Variants in SNTG1 observed in about 807,000 individuals in gnomAD.
SNTG1 encodes the protein syntrophin gamma 1.
Under a neutral mutation model 74.7 loss-of-function variants are expected in SNTG1, and 39 were observed. That is an observed-to-expected ratio of 0.52 (90% CI 0.40 to 0.68). The LOEUF (loss-of-function observed/expected upper bound fraction) is 0.68, where lower values mean the gene tolerates loss of function less well. Among genes scored for constraint, SNTG1 ranks in the 30% least tolerant of loss-of-function variants. SNTG1 has a pLI of 0.00. For synonymous variants in SNTG1, 254 were observed against 217.1 expected (o/e 1.17, Z -1.49); for missense variants, 685 against 609.5 (o/e 1.12, Z -1.30).
At chr8:50,239,330 G>C (rs2086063671) in intron 2 of SNTG1, among the ~76,000 whole-genome samples, 1 of 152,144 alleles carries the variant, frequency 6.6e-6, no homozygotes, top group Non-Finnish European at 1.5e-5. Context: ...ATAAACAAAG[G>C]AGTTTTAATT....
chr8:50,193,401 CTTAT>C (rs2083649572), intron 2 of SNTG1, among the ~76,000 whole-genome samples: 1 of 151,200 alleles, frequency 6.6e-6, no homozygotes, highest in South Asian at 2.1e-4. Context: ...TTTTTGTTTT[CTTAT>C]TTGTTTGTTT....
chr8:49,977,955 G>C (rs953809340), intron 1 of SNTG1, among the ~76,000 whole-genome samples: 8 of 152,164 alleles, frequency 5.3e-5, no homozygotes, highest in African/African-American at 1.7e-4. Flanking sequence ...GATATCCTTG[G>C]AGCCTCAGTT....
At chr8:50,376,315 A>G (rs2092379387) in intron 2 of SNTG1, among the ~76,000 whole-genome samples, 1 of 152,176 alleles carries the variant, frequency 6.6e-6, no homozygotes, top group Non-Finnish European at 1.5e-5. Flanking sequence ...CTTGCTATTC[A>G]GATTTGAGGT....
intron 1 of SNTG1, among the ~76,000 whole-genome samples, chr8:49,998,050 C>T (rs1814396589): frequency 1.3e-5 from 2 of 152,132 alleles, no homozygotes; most frequent in Non-Finnish European, 2.9e-5. Flanking sequence ...TAGCCTATTG[C>T]TCTTAGGCTA....
intron 4 of SNTG1, among the ~76,000 whole-genome samples, chr8:50,425,016 C>A (rs565280398): frequency 1.3e-5 from 2 of 152,134 alleles, no homozygotes; most frequent in South Asian, 4.1e-4. Context: ...TATGAGAAAT[C>A]AATAGTTTTT....
chr8:50,270,274 T>C (rs986012256), intron 2 of SNTG1, among the ~76,000 whole-genome samples: 1 of 152,168 alleles, frequency 6.6e-6, no homozygotes, highest in Non-Finnish European at 1.5e-5. Flanking sequence ...AGTGTTTCAG[T>C]GGGGCCACAC....
At chr8:50,705,525 T>A (rs1229220901) in intron 16 of SNTG1, among the ~76,000 whole-genome samples, 1 of 152,220 alleles carries the variant, frequency 6.6e-6, no homozygotes, top group Non-Finnish European at 1.5e-5. Context: ...TGTTTTCTAC[T>A]TATTTATAGC....
At chr8:50,272,791 C>T (rs2087854460) in intron 2 of SNTG1, among the ~76,000 whole-genome samples, 1 of 151,788 alleles carries the variant, frequency 6.6e-6, no homozygotes, top group South Asian at 2.1e-4. Flanking sequence ...GGCTGGAGAA[C>T]AGTGGCACAA....
At chr8:50,124,159 C>G (rs1264250373) in intron 1 of SNTG1, among the ~76,000 whole-genome samples, 1 of 141,014 alleles carries the variant, frequency 7.1e-6, no homozygotes, top group Non-Finnish European at 1.6e-5. Flanking sequence ...TGCCTTGTGT[C>G]CTTATTAAAA....
At chr8:50,697,535 A>G (rs1044836922) in intron 15 of SNTG1, among the ~76,000 whole-genome samples, 4 of 152,076 alleles carry the variant, frequency 2.6e-5, no homozygotes, top group Admixed American at 6.5e-5. Flanking sequence ...CAACTTTTCC[A>G]TTTTCAGTAT....
At chr8:50,378,669 T>C (rs1252709608) in intron 2 of SNTG1, among the ~76,000 whole-genome samples, 1 of 151,874 alleles carries the variant, frequency 6.6e-6, no homozygotes, top group African/African-American at 2.4e-5. Flanking sequence ...GTAGCTCCTC[T>C]CTGCTAGGCA....
chr8:50,705,926 A>C lies in SNTG1; in HGVS notation c.1191+1174A>C, dbSNP rs150833931. On this transcript the variant is annotated intron_variant, in intron 16 of 18. Transcript: ENST00000642720. ...ATAGATCCATAGAGCAAGGACCTAA[A>C]TACACACATGGACACTTAATTTTGA... Among the ~76,000 whole-genome samples the C allele has an allele frequency of 1.7e-4, 26 of 152,382 alleles. No individual in the cohort carries two copies. In the East Asian group the frequency reaches 4.8e-3, roughly 28 times the overall value.
At chr8:50,050,449 T>G (rs1705964040) in intron 1 of SNTG1, among the ~76,000 whole-genome samples, 1 of 152,050 alleles carries the variant, frequency 6.6e-6, no homozygotes, top group African/African-American at 2.4e-5. Context: ...TGAAATTTAA[T>G]CAATAATTAA....
intron 1 of SNTG1, among the ~76,000 whole-genome samples, chr8:50,013,326 C>T (rs1815994704): frequency 6.6e-6 from 1 of 152,102 alleles, no homozygotes; most frequent in East Asian, 1.9e-4. Context: ...TCGTCATAGA[C>T]TTTTATTTGC....
rs139306352 is a variant in SNTG1, at chr8:50,746,353, A to G, written c.1285-5648A>G. Among the ~76,000 whole-genome samples, 206 of 152,060 alleles carry G rather than the reference A, an allele frequency of 1.4e-3. 2 individuals carry two copies. Among genetic ancestry groups the G allele is most frequent in the African/African-American group, 3.8e-3 (159 of 41,536 alleles). The stretch of plus-strand genomic sequence containing the variant: ...CATCACACTCAAATCACATGCCTTA[A>G]ATGAAAGCCTCTCAGGGATATCCAC... On this transcript the variant is annotated intron_variant, in intron 17 of 18. Coordinates refer to ENST00000642720, the MANE Select transcript of SNTG1 (RefSeq NM_018967.5).
intron 1 of SNTG1, among the ~76,000 whole-genome samples, chr8:50,010,206 T>C (rs1434755696): frequency 6.6e-6 from 1 of 152,172 alleles, no homozygotes; most frequent in Non-Finnish European, 1.5e-5. Context: ...AATATCAACA[T>C]CTAATAATAA....
chr8:50,440,157 C>T (rs1345080553), intron 5 of SNTG1, among the ~76,000 whole-genome samples: 1 of 150,486 alleles, frequency 6.6e-6, no homozygotes, highest in Non-Finnish European at 1.5e-5. Flanking sequence ...AATTATTGAC[C>T]AAAAAGTGGT....
At chr8:50,155,131 A>G (rs2082212293) in intron 1 of SNTG1, among the ~76,000 whole-genome samples, 1 of 152,238 alleles carries the variant, frequency 6.6e-6, no homozygotes, top group African/African-American at 2.4e-5. Context: ...ATTTGCCACC[A>G]TGCTTGAAAC....
At chr8:50,316,776 A>G (rs188390889) in intron 2 of SNTG1, among the ~76,000 whole-genome samples, 1 of 152,186 alleles carries the variant, frequency 6.6e-6, no homozygotes, top group Admixed American at 6.5e-5. Flanking sequence ...AAACACAATA[A>G]GAGTATGCAA....
Sources: gnomAD v4.1 joint callset for allele counts (sites outside exome capture counted in the v4.1 genomes callset) on GRCh38, gnomAD v4.1.1 for gene constraint, MANE v1.5 for transcripts, NCBI Gene and HGNC (gene_info 2026-07-23, HGNC 2026-07-21) for gene names.